PCLO: variants seen among roughly 807,000 people sequenced by gnomAD.
The protein encoded by PCLO is protein piccolo.
A neutral mutation model predicts 427.5 loss-of-function variants in PCLO; 82 were observed. That is an observed-to-expected ratio of 0.19 (90% CI 0.16 to 0.23). PCLO has a LOEUF of 0.23. Among genes scored for constraint, PCLO ranks in the 10% least tolerant of loss-of-function variants. The pLI, the probability that PCLO is intolerant of heterozygous loss-of-function variation, is 1.00. For missense variants in PCLO, 6,239 were observed against 6,115.9 expected, an observed-to-expected ratio of 1.02 and a Z score of -0.67; for synonymous variants, 2,357 against 2,155.4, an observed-to-expected ratio of 1.09 and a Z score of -2.59.
At chr7:83,111,967 A>G (rs960090374) in intron 3 of PCLO, among the ~76,000 whole-genome samples, 1 of 152,220 alleles carries the variant, frequency 6.6e-6, no homozygotes, top group Admixed American at 6.5e-5. Flanking sequence ...AATGACATCT[A>G]TCTGTCAAAA....
At chr7:83,145,009 A>G (rs1043451394) in intron 2 of PCLO, among the ~76,000 whole-genome samples, 1 of 152,220 alleles carries the variant, frequency 6.6e-6, no homozygotes, top group Non-Finnish European at 1.5e-5. Context: ...GAGAAAGAAT[A>G]GGAAAGGTAC....
At position 83,156,059 on chromosome 7, in the gene PCLO, T is replaced by C; in HGVS notation, c.582A>G (p.Lys194=). Residue 194 remains lysine (K), a synonymous_variant, in exon 2 of 25, where the codon AAA becomes AAG. Coordinates refer to ENST00000333891, the MANE Select transcript of PCLO (RefSeq NM_033026.6). ...GTTTTCCTTGCTCCTTCTGAACCACTTTTTGTTTCTTGGTGGTTTCTTCCT... is the reference window on the plus strand; with the variant it reads ...GTTTTCCTTGCTCCTTCTGAACCACCTTTTGTTTCTTGGTGGTTTCTTCCT... ...ASQEETTKKQ[K]VVQKEQGKPE... The C allele has an allele frequency of 6.2e-7, 1 of 1,613,748 alleles. No homozygotes were observed. Among genetic ancestry groups the C allele is most frequent in the Non-Finnish European group, 8.5e-7 (1 of 1,179,842 alleles).
chr7:83,043,912 CTTTTTTTT>C (rs869061778), intron 3 of PCLO, among the ~76,000 whole-genome samples: 14,978 of 95,320 alleles, frequency 0.16, 769 homozygotes, highest in Admixed American at 0.25. Context: ...CTATTATTTT[CTTTTTTTT>C]TTTTTTTTTT....
In PCLO at chr7:82,956,533, C is replaced by T. The variant is rs755010460; in HGVS notation, c.4420G>A (p.Glu1474Lys). The T allele has an allele frequency of 2.4e-5, 39 of 1,612,344 alleles. No individual in the cohort carries two copies. Among genetic ancestry groups the T allele is most frequent in the Non-Finnish European group, 2.9e-5 (34 of 1,179,612 alleles). ...TCTTTTTTAAAAGTGTCTTTCCTTTCTTCTTGACTCTCTTTGATCTCCTCT... is the reference window on the plus strand; with the variant it reads ...TCTTTTTTAAAAGTGTCTTTCCTTTTTTCTTGACTCTCTTTGATCTCCTCT... ...SEEEIKESQE[E>K]RKDTFKKDSQ... The change falls in exon 5 of 25, where the codon GAA becomes AAA. Residue 1474 changes from glutamate (E) to lysine (K), a missense_variant. Physicochemically the swap from Glu to Lys is moderately conservative, Grantham distance 56. This residue lies in a region of PCLO where 4,677 missense variants were observed against 4,468.4 expected (regional missense o/e 1.05). Coordinates refer to ENST00000333891, the MANE Select transcript of PCLO (RefSeq NM_033026.6).
chr7:82,991,541 T>C, intron 3 of PCLO, among the ~76,000 whole-genome samples: 1 of 152,136 alleles, frequency 6.6e-6, no homozygotes, highest in East Asian at 1.9e-4. Flanking sequence ...AATGCTGAGA[T>C]AACAATATAT....
At chr7:83,030,399 C>G (rs375951087) in intron 3 of PCLO, among the ~76,000 whole-genome samples, 1 of 152,294 alleles carries the variant, frequency 6.6e-6, no homozygotes, top group East Asian at 1.9e-4. Flanking sequence ...TATATAACAG[C>G]ATGAGCAAAG....
At position 82,949,799 on chromosome 7, in the gene PCLO, C is replaced by A. The variant is rs1158450459; in HGVS notation, c.10789G>T (p.Glu3597Ter). The change falls in exon 6 of 25, where the codon GAG (glutamate) becomes TAG (stop). Residue 3597 changes from glutamate to a stop codon, truncating the protein, a stop_gained. Coordinates refer to ENST00000333891, the MANE Select transcript of PCLO (RefSeq NM_033026.6). LOFTEE classifies it high-confidence loss of function. ...PKDKKRPTPL[E>*]IGYSSHLRAD... ...CGGAGGTGAGATGAATAACCAATCT[C>A]TAAAGGTGTTGGGCGTTTCTTGTCT... 1 of 1,613,750 alleles carries A rather than the reference C, an allele frequency of 6.2e-7. No individual in the cohort carries two copies. Among genetic ancestry groups the A allele is most frequent in the Non-Finnish European group, 8.5e-7 (1 of 1,179,876 alleles).
At chr7:82,775,209 G>GT (rs1790725023) in intron 22 of PCLO, among the ~76,000 whole-genome samples, 1 of 152,082 alleles carries the variant, frequency 6.6e-6, no homozygotes, top group African/African-American at 2.4e-5. Context: ...CCATGGGCAG[G>GT]TTTTTTTGTG....
intron 3 of PCLO, among the ~76,000 whole-genome samples, chr7:83,071,829 G>A (rs1350550871): frequency 1.3e-5 from 2 of 152,028 alleles, no homozygotes; most frequent in Non-Finnish European, 2.9e-5. Context: ...GAAGATGAAT[G>A]ATTAAAGAAA....
chr7:82,984,972 A>G (rs1043606419), intron 3 of PCLO, among the ~76,000 whole-genome samples: 4 of 152,048 alleles, frequency 2.6e-5, no homozygotes, highest in Admixed American at 2.6e-4. Flanking sequence ...TTCTACTGAT[A>G]AAATTGAAAG....
At chr7:82,947,034 G>C (rs1354125158) in intron 6 of PCLO, among the ~76,000 whole-genome samples, 2 of 152,122 alleles carry the variant, frequency 1.3e-5, no homozygotes, top group Non-Finnish European at 2.9e-5. Context: ...CTTTCTGATT[G>C]TATTTACAGT....
intron 22 of PCLO, among the ~76,000 whole-genome samples, chr7:82,793,394 G>A (rs536267122): frequency 6.6e-6 from 1 of 152,220 alleles, no homozygotes; most frequent in East Asian, 1.9e-4. Context: ...TGGACACTCT[G>A]CCGCAGTTGC....
At chr7:83,038,053 T>TATAATATATATTTATA (rs1554382433) in intron 3 of PCLO, among the ~76,000 whole-genome samples, 2 of 44,798 alleles carry the variant, frequency 4.5e-5, no homozygotes, top group African/African-American at 1.1e-4. Flanking sequence ...ATATATATCT[T>TATAATATATATTTATA]TATATATATA....
intron 6 of PCLO, among the ~76,000 whole-genome samples, chr7:82,930,101 C>T (rs1342643090): frequency 6.6e-6 from 1 of 152,118 alleles, no homozygotes; most frequent in African/African-American, 2.4e-5. Flanking sequence ...GTGTGAATCT[C>T]AGATTGAGCT....
chr7:82,866,538 C>T (rs1793096994), intron 10 of PCLO, among the ~76,000 whole-genome samples: 1 of 151,926 alleles, frequency 6.6e-6, no homozygotes, highest in African/African-American at 2.4e-5. Flanking sequence ...AACTCAAGTG[C>T]TGTGGCTGAC....
intron 22 of PCLO, among the ~76,000 whole-genome samples, chr7:82,793,604 T>C (rs1482166546): frequency 6.6e-6 from 1 of 152,204 alleles, no homozygotes; most frequent in East Asian, 1.9e-4. Flanking sequence ...GAAATGTCTG[T>C]ACCCCAAAAT....
chr7:82,942,687 AC>A (rs1443600246), intron 6 of PCLO, among the ~76,000 whole-genome samples: 12 of 152,212 alleles, frequency 7.9e-5, no homozygotes, highest in African/African-American at 2.9e-4. Context: ...TATTTTACTG[AC>A]ATTTATTTTG....
intron 10 of PCLO, among the ~76,000 whole-genome samples, chr7:82,865,128 T>C (rs767078086): frequency 1.3e-5 from 2 of 152,088 alleles, no homozygotes; most frequent in Non-Finnish European, 2.9e-5. Context: ...TTGGCTGCCT[T>C]TTGTCCTACT....
rs186476837 is a variant in PCLO at position 82,907,924 on chromosome 7, T to C, written c.13437+953A>G. Among the ~76,000 whole-genome samples the C allele has an allele frequency of 5.5e-3, 834 of 152,184 alleles. 11 individuals carry two copies. Among genetic ancestry groups the C allele is most frequent in the African/African-American group, 0.019 (787 of 41,568 alleles). On this transcript the variant is annotated intron_variant, in intron 8 of 24. Coordinates refer to ENST00000333891, the MANE Select transcript of PCLO (RefSeq NM_033026.6). ...ACTTATAAATGTCAAAGGCTTGTTT[T>C]CTTTTATACCTCAATATGACAAACA...
Sources: allele counts gnomAD v4.1 joint callset (sites outside exome capture counted in the v4.1 genomes callset), GRCh38; gene constraint gnomAD v4.1.1; regional missense constraint gnomAD v4.1.1; transcripts MANE v1.5; gene names NCBI Gene and HGNC (gene_info 2026-07-23, HGNC 2026-07-21).